The following MIPOL1 variants were observed in gnomAD, a reference collection of about 807,000 sequenced individuals.
MIPOL1 encodes mirror-image polydactyly gene 1 protein.
In MIPOL1, 57 loss-of-function variants were observed where a neutral mutation model predicts 60.9. That is an observed-to-expected ratio of 0.94 (90% CI 0.76 to 1.17). The LOEUF is 1.17. Among genes scored for constraint, MIPOL1 ranks in the 50% most tolerant of loss-of-function variants. The probability of loss-of-function intolerance (pLI) is 0.00; values close to 1 mark genes in which losing one functional copy is unlikely to be tolerated. For missense variants in MIPOL1, 551 were observed against 511.6 expected (o/e 1.08, Z -0.74); for synonymous variants, 179 against 168.8 (o/e 1.06, Z -0.47).
At chr14:37,534,663 G>T (rs543899379) in intron 12 of MIPOL1, among the ~76,000 whole-genome samples, 25 of 152,260 alleles carry the variant, frequency 1.6e-4, no homozygotes, top group African/African-American at 4.3e-4. Flanking sequence ...TATCCCCTGA[G>T]AGACAAAGTG....
At position 37,348,998 on chromosome 14, in the gene MIPOL1, T is replaced by TG. The variant is rs1390751885; in HGVS notation, c.829-20519_829-20518insG. On this transcript the variant is annotated intron_variant, in intron 9 of 12. Transcript: ENST00000684589. ...CCAGCTAATTCTTTTTTTTTTTTTT[T>TG]TTTTTTTTGAGATGGAGTTTCGCTC... Among the ~76,000 whole-genome samples, 5 of 141,178 alleles carry TG rather than the reference T, an allele frequency of 3.5e-5. No homozygotes were observed. In the South Asian group the frequency reaches 9.5e-4, roughly 27 times the overall value. The allele number at this position is 141,178 out of a possible 152,430, so 92.6% of individuals were successfully genotyped here.
chr14:37,547,100 C>A lies in MIPOL1; in HGVS notation c.*129C>A. On this transcript the variant is annotated 3_prime_UTR_variant, in exon 13 of 13. Coordinates refer to ENST00000684589, the MANE Select transcript of MIPOL1 (RefSeq NM_001388067.1). ...AGAAGTGGGACACTCCAACCACATT[C>A]CAAGCTGAGATAAAATCAAATCACA... 1 of 684,994 alleles carries A rather than the reference C, an allele frequency of 1.5e-6. No individual in the cohort carries two copies. Among genetic ancestry groups the A allele is most frequent in the Non-Finnish European group, 2.5e-6 (1 of 402,012 alleles). 42.4% of individuals were successfully genotyped at this position (684,994 alleles called of 1,614,324 possible).
At chr14:37,403,632 G>A (rs1347952090) in intron 10 of MIPOL1, among the ~76,000 whole-genome samples, 1 of 151,498 alleles carries the variant, frequency 6.6e-6, no homozygotes, top group Non-Finnish European at 1.5e-5. Context: ...AACCTATGTA[G>A]TATTGCTTTA....
At chr14:37,257,852 T>G (rs755706423) in intron 3 of MIPOL1, among the ~76,000 whole-genome samples, 3 of 152,160 alleles carry the variant, frequency 2.0e-5, no homozygotes, top group Non-Finnish European at 4.4e-5. Flanking sequence ...TTGTTTGCTT[T>G]GTTGAGTCTG....
At chr14:37,251,370 C>T (rs1342213858) in intron 3 of MIPOL1, among the ~76,000 whole-genome samples, 1 of 151,944 alleles carries the variant, frequency 6.6e-6, no homozygotes, top group East Asian at 1.9e-4. Flanking sequence ...ATCTAGCCCC[C>T]AAGTTTCTTT....
intron 11 of MIPOL1, among the ~76,000 whole-genome samples, chr14:37,478,831 T>A (rs1248242982): frequency 6.6e-6 from 1 of 151,998 alleles, no homozygotes; most frequent in Non-Finnish European, 1.5e-5. Context: ...AGGAGAGGGT[T>A]TATCAAGAGA....
intron 10 of MIPOL1, among the ~76,000 whole-genome samples, chr14:37,406,805 A>G (rs1009967011): frequency 1.3e-5 from 2 of 152,164 alleles, no homozygotes; most frequent in Non-Finnish European, 2.9e-5. Flanking sequence ...TCTAGACATT[A>G]AAAGTGGTAA....
intron 9 of MIPOL1, among the ~76,000 whole-genome samples, chr14:37,346,967 A>G (rs1272690226): frequency 6.6e-6 from 1 of 152,196 alleles, no homozygotes; most frequent in Non-Finnish European, 1.5e-5. Context: ...AACACATTAC[A>G]TAACTGTCAT....
At chr14:37,416,533 C>T (rs559657828) in intron 10 of MIPOL1, among the ~76,000 whole-genome samples, 8 of 152,248 alleles carry the variant, frequency 5.3e-5, no homozygotes, top group African/African-American at 1.9e-4. Context: ...TGTATCTAAA[C>T]ATGTCTACAC....
intron 1 of MIPOL1, among the ~76,000 whole-genome samples, chr14:37,242,759 A>G (rs12878830): frequency 6.6e-6 from 1 of 152,204 alleles, no homozygotes; most frequent in Non-Finnish European, 1.5e-5. Flanking sequence ...GTTTACATGT[A>G]AGTTACTGAG....
intron 7 of MIPOL1, among the ~76,000 whole-genome samples, chr14:37,293,445 G>A (rs2085291864): frequency 6.6e-6 from 1 of 152,154 alleles, no homozygotes. Flanking sequence ...TCACTGGGGA[G>A]TGCCAGACAG....
At position 37,466,459 on chromosome 14, in the gene MIPOL1, A is replaced by G. The variant is rs541989902; in HGVS notation, c.1032-33449A>G. On this transcript the variant is annotated intron_variant, in intron 11 of 12. Coordinates refer to ENST00000684589, the MANE Select transcript of MIPOL1 (RefSeq NM_001388067.1). ...AAGTTGCTTTTAAGAATCCTTTAAC[A>G]TATCAGTTTGATAACTAGCAAAACA... is the stretch of plus-strand genomic sequence containing the variant. 5.9e-5 allele frequency among the ~76,000 whole-genome samples: 9 copies of G among 152,332 alleles called. No homozygotes were observed. In the South Asian group the frequency reaches 6.2e-4, roughly 11 times the overall value.
At chr14:37,387,329 T>C (rs1209264749) in intron 10 of MIPOL1, among the ~76,000 whole-genome samples, 2 of 151,950 alleles carry the variant, frequency 1.3e-5, no homozygotes, top group Non-Finnish European at 2.9e-5. Flanking sequence ...TAGTTCTGTA[T>C]TGTATGTAGT....
intron 1 of MIPOL1, among the ~76,000 whole-genome samples, chr14:37,214,958 C>T (rs973821258): frequency 5.3e-5 from 8 of 152,060 alleles, no homozygotes; most frequent in African/African-American, 1.9e-4. Flanking sequence ...CAGGCCCACC[C>T]GCAGTTATCC....
chr14:37,342,688 G>T (rs1029280945), intron 9 of MIPOL1, among the ~76,000 whole-genome samples: 1 of 152,054 alleles, frequency 6.6e-6, no homozygotes, highest in African/African-American at 2.4e-5. Context: ...GAGCCACCGT[G>T]CCTGGCCGCA....
At chr14:37,345,457 C>T (rs955818681) in intron 9 of MIPOL1, among the ~76,000 whole-genome samples, 23 of 152,152 alleles carry the variant, frequency 1.5e-4, no homozygotes, top group Admixed American at 9.8e-4. Flanking sequence ...TTTATTTGTT[C>T]AGTGCACTTC....
intron 12 of MIPOL1, among the ~76,000 whole-genome samples, chr14:37,542,345 C>A (rs1203664342): frequency 2.6e-5 from 4 of 152,032 alleles, no homozygotes; most frequent in Non-Finnish European, 5.9e-5. Context: ...TCCTCCCTCT[C>A]TTCTCCTTTT....
At chr14:37,362,364 T>C (rs2092302285) in intron 9 of MIPOL1, among the ~76,000 whole-genome samples, 1 of 152,204 alleles carries the variant, frequency 6.6e-6, no homozygotes, top group Non-Finnish European at 1.5e-5. Context: ...CCTTCACTTA[T>C]GAAGCTTAGT....
At chr14:37,422,234 A>G (rs1326999225) in intron 10 of MIPOL1, among the ~76,000 whole-genome samples, 1 of 152,066 alleles carries the variant, frequency 6.6e-6, no homozygotes, top group African/African-American at 2.4e-5. Flanking sequence ...GGAAGGAACA[A>G]TAATGCCCCT....
Sources: allele counts gnomAD v4.1 joint callset (sites outside exome capture counted in the v4.1 genomes callset), GRCh38; gene constraint gnomAD v4.1.1; transcripts MANE v1.5; gene names NCBI Gene and HGNC (gene_info 2026-07-23, HGNC 2026-07-21).